The following LIPI variants were observed in gnomAD, a reference collection of about 807,000 sequenced individuals.
The protein encoded by LIPI is lipase member I.
In LIPI, 59 loss-of-function variants were observed where a neutral mutation model predicts 50.6. The ratio of observed to expected loss-of-function variants is 1.16; its 90% CI spans 0.94 to 1.45. LIPI has a LOEUF of 1.45. Ranked by LOEUF, LIPI falls within the 40% of genes most tolerant of loss-of-function variation. LIPI has a pLI of 0.00. For synonymous variants in LIPI, 203 were observed against 178.2 expected, an observed-to-expected ratio of 1.14 and a Z score of -1.11; for missense variants, 586 against 536.3, an observed-to-expected ratio of 1.09 and a Z score of -0.92.
intron 4 of LIPI, among the ~76,000 whole-genome samples, chr21:14,172,829 C>A (rs1342095747): frequency 6.6e-6 from 1 of 151,656 alleles, no homozygotes; most frequent in Non-Finnish European, 1.5e-5. Flanking sequence ...AACTAACCTG[C>A]ACATTGTGCA....
intron 4 of LIPI, among the ~76,000 whole-genome samples, chr21:14,175,483 CT>C (rs766975665): frequency 5.9e-5 from 9 of 151,812 alleles, no homozygotes; most frequent in East Asian, 3.9e-4. Context: ...TCTTTTACTG[CT>C]TTTTTTTATG....
At chr21:14,186,868 A>G (rs2019474818) in intron 2 of LIPI, among the ~76,000 whole-genome samples, 2 of 152,176 alleles carry the variant, frequency 1.3e-5, no homozygotes, top group African/African-American at 4.8e-5. Flanking sequence ...GAATCTGCTG[A>G]TGCCTTCTCC....
chr21:14,180,169 C>T (rs892462248), intron 4 of LIPI, among the ~76,000 whole-genome samples: 1 of 152,114 alleles, frequency 6.6e-6, no homozygotes, highest in Non-Finnish European at 1.5e-5. Context: ...GGGAAAAGCT[C>T]CGCCCTGGTA....
At chr21:14,157,133 A>C (rs776552754) in intron 7 of LIPI, among the ~76,000 whole-genome samples, 7 of 151,888 alleles carry the variant, frequency 4.6e-5, no homozygotes, top group Non-Finnish European at 7.4e-5. Flanking sequence ...CTTGGTGCTC[A>C]TCATGAATTG....
intron 8 of LIPI, among the ~76,000 whole-genome samples, chr21:14,150,586 A>G (rs1193836416): frequency 6.6e-6 from 1 of 152,234 alleles, no homozygotes; most frequent in Non-Finnish European, 1.5e-5. Context: ...TTGAATAAGC[A>G]ATTGAATCAA....
At position 14,210,896 on chromosome 21, in the gene LIPI, T is replaced by A; in HGVS notation, c.-51A>T. ...GCACTCAATTCACCAAAAAGGAAAT[T>A]CCGTAACTCATTGAGGTTTCTCTTT... is the stretch of plus-strand genomic sequence containing the variant. On this transcript the variant is annotated 5_prime_UTR_variant, in exon 1 of 10. Coordinates refer to ENST00000681601, the MANE Select transcript of LIPI (RefSeq NM_001302998.2). The A allele has an allele frequency of 8.5e-7, 1 of 1,178,312 alleles. No individual in the cohort carries two copies. Among genetic ancestry groups the A allele is most frequent in the African/African-American group, 1.6e-5 (1 of 60,900 alleles). The allele number at this position is 1,178,312 out of a possible 1,614,324, so 73.0% of individuals were successfully genotyped here. A position where few individuals can be genotyped will look rare whatever the true frequency, so the allele number is the denominator to read the frequency against.
chr21:14,152,418 T>A (rs562182352), intron 8 of LIPI, among the ~76,000 whole-genome samples, 155 bp downstream of exon 8: 22 of 152,266 alleles, frequency 1.4e-4, no homozygotes, highest in African/African-American at 5.1e-4. Context: ...AATAAAGGAA[T>A]TAGAATATAA....
intron 9 of LIPI, among the ~76,000 whole-genome samples, chr21:14,131,769 A>C (rs960380941): frequency 6.6e-6 from 1 of 152,198 alleles, no homozygotes; most frequent in African/African-American, 2.4e-5. Flanking sequence ...AATTTAAAGA[A>C]GCTCAATGAG....
At chr21:14,114,468 G>A (rs2016544815) in intron 9 of LIPI, among the ~76,000 whole-genome samples, 1 of 152,132 alleles carries the variant, frequency 6.6e-6, no homozygotes, top group African/African-American at 2.4e-5. Context: ...TGTCCTACAG[G>A]CCCTGCCAGA....
At chr21:14,119,100 C>G (rs746736956) in intron 9 of LIPI, among the ~76,000 whole-genome samples, 13 of 152,210 alleles carry the variant, frequency 8.5e-5, no homozygotes, top group Non-Finnish European at 1.8e-4. Context: ...CAATTAGCCC[C>G]TGTAAGCCGA....
chr21:14,194,061 T>C (rs2019765179), intron 1 of LIPI, among the ~76,000 whole-genome samples: 1 of 152,074 alleles, frequency 6.6e-6, no homozygotes, highest in Non-Finnish European at 1.5e-5. Context: ...TCACTAATAA[T>C]TGGGGAAACA....
chr21:14,115,401 A>T (rs532286613), intron 9 of LIPI, among the ~76,000 whole-genome samples: 1 of 151,820 alleles, frequency 6.6e-6, no homozygotes, highest in East Asian at 1.9e-4. Context: ...ACAGCTTAAA[A>T]GGTGGCTGCT....
intron 9 of LIPI, among the ~76,000 whole-genome samples, chr21:14,142,226 T>A (rs2017736596): frequency 6.6e-6 from 1 of 152,042 alleles, no homozygotes; most frequent in African/African-American, 2.4e-5. Context: ...GACAGGTTGA[T>A]GGGTGCAGCA....
At chr21:14,133,032 A>C (rs2017354351) in intron 9 of LIPI, among the ~76,000 whole-genome samples, 1 of 152,078 alleles carries the variant, frequency 6.6e-6, no homozygotes, top group African/African-American at 2.4e-5. Context: ...ACAACAACAA[A>C]AAATGCCCAG....
intron 7 of LIPI, among the ~76,000 whole-genome samples, chr21:14,159,501 A>G (rs1235296816): frequency 6.6e-6 from 1 of 151,362 alleles, no homozygotes; most frequent in Non-Finnish European, 1.5e-5. Flanking sequence ...GAACTAACTC[A>G]ATTTTATAGT....
intron 1 of LIPI, among the ~76,000 whole-genome samples, chr21:14,207,898 G>A (rs1161903981): frequency 6.6e-6 from 1 of 152,200 alleles, no homozygotes; most frequent in Non-Finnish European, 1.5e-5. Context: ...GAGTGAGATA[G>A]TATTACAGCT....
rs1414588275 is a variant in LIPI, at chr21:14,165,136, G to A, written c.901+87C>T. On this transcript the variant is annotated intron_variant, in intron 6 of 9. Coordinates refer to ENST00000681601, the MANE Select transcript of LIPI (RefSeq NM_001302998.2). ...TCATGTATTAACAAGTAAACAGAGT[G>A]CACAGTTTAGCTTCCAGCAGAAAAT... 9 of 993,320 alleles carry A rather than the reference G, an allele frequency of 9.1e-6. No homozygotes were observed. In the Admixed American group the frequency reaches 1.2e-4, roughly 14 times the overall value. 61.5% of individuals were successfully genotyped at this position (993,320 alleles called of 1,614,324 possible). A position where few individuals can be genotyped will look rare whatever the true frequency, so the allele number is the denominator to read the frequency against.
At chr21:14,152,780 A>G in intron 7 of LIPI, 96 bp from the exon 8 acceptor site, 1 of 629,398 alleles carries the variant, frequency 1.6e-6, no homozygotes, top group Non-Finnish European at 2.8e-6. Flanking sequence ...GTATAGATAG[A>G]TATGTAATCT....
At chr21:14,135,896 G>T (rs1203151005) in intron 9 of LIPI, among the ~76,000 whole-genome samples, 2 of 152,118 alleles carry the variant, frequency 1.3e-5, no homozygotes, top group African/African-American at 4.8e-5. Context: ...TCCAAAAAAA[G>T]ACCCCTTCTT....
Sources: gnomAD v4.1 joint callset for allele counts (sites outside exome capture counted in the v4.1 genomes callset) on GRCh38, gnomAD v4.1.1 for gene constraint, MANE v1.5 for transcripts, NCBI Gene and HGNC (gene_info 2026-07-23, HGNC 2026-07-21) for gene names.